PLXNA4: variants seen among roughly 807,000 people sequenced by gnomAD.
PLXNA4 encodes plexin-A4.
In PLXNA4, 44 loss-of-function variants were observed where a neutral mutation model predicts 191.8. The observed-to-expected ratio is 0.23, with a 90% CI of 0.18 to 0.29. The LOEUF is 0.29. Among genes scored for constraint, PLXNA4 ranks in the 10% least tolerant of loss-of-function variants. The pLI, the probability that PLXNA4 is intolerant of heterozygous loss-of-function variation, is 1.00. For synonymous variants in PLXNA4, 1,082 were observed against 1,009.5 expected (o/e 1.07, Z -1.36); for missense variants, 1,800 against 2,488.8 (o/e 0.72, Z 5.89).
At chr7:132,162,187 T>C (rs1795971938) in intron 24 of PLXNA4, among the ~76,000 whole-genome samples, 1 of 152,352 alleles carries the variant, frequency 6.6e-6, no homozygotes, top group East Asian at 1.9e-4. Context: ...CACGATTTCT[T>C]GCCATCTGTC....
intron 3 of PLXNA4, among the ~76,000 whole-genome samples, chr7:132,470,753 C>A (rs1284944150): frequency 6.6e-6 from 1 of 152,170 alleles, no homozygotes; most frequent in Non-Finnish European, 1.5e-5. Flanking sequence ...TCACTGCTGG[C>A]TTTGAAGACG....
At chr7:132,277,686 C>T (rs555883975) in intron 4 of PLXNA4, among the ~76,000 whole-genome samples, 20 of 152,304 alleles carry the variant, frequency 1.3e-4, no homozygotes, top group Non-Finnish European at 1.9e-4. Context: ...TTTCTGAGGA[C>T]GAGGACCTTG....
At chr7:132,512,712 CCT>C (rs1042678722) in intron 1 of PLXNA4, among the ~76,000 whole-genome samples, 14 of 152,318 alleles carry the variant, frequency 9.2e-5, no homozygotes, top group Admixed American at 3.9e-4. Flanking sequence ...CCACCAGCCC[CCT>C]GTCTCCCTGA....
chr7:132,322,184 C>CTGTTT (rs376377991), intron 3 of PLXNA4, among the ~76,000 whole-genome samples: 1 of 122,520 alleles, frequency 8.2e-6, no homozygotes, highest in African/African-American at 3.0e-5. Flanking sequence ...CCTAAAAGGG[C>CTGTTT]TTTTTTTTTT....
chr7:132,223,472 T>C, intron 9 of PLXNA4, 55 bp downstream of exon 9: 1 of 1,444,118 alleles, frequency 6.9e-7, no homozygotes, highest in Non-Finnish European at 9.6e-7. Flanking sequence ...GCCTCTCTTC[T>C]GTGTCCCATG....
intron 4 of PLXNA4, among the ~76,000 whole-genome samples, chr7:132,269,577 C>T (rs902540143): frequency 6.6e-6 from 1 of 152,144 alleles, no homozygotes; most frequent in Admixed American, 6.5e-5. Flanking sequence ...TCTGAAGGTG[C>T]AGATGCAATC....
intron 3 of PLXNA4, among the ~76,000 whole-genome samples, chr7:132,335,023 T>C (rs115529334): frequency 0.014 from 2,110 of 152,350 alleles, 64 homozygotes; most frequent in African/African-American, 0.048. Context: ...TGCTTTCAAA[T>C]AATTTTTTAA....
chr7:132,411,487 C>T lies in PLXNA4; in HGVS notation c.1371+77805G>A, dbSNP rs574688974. 2.6e-5 allele frequency among the ~76,000 whole-genome samples: 4 copies of T among 152,274 alleles called. No homozygotes were observed. The East Asian group carries it at 7.7e-4, about 29-fold the overall frequency. On this transcript the variant is annotated intron_variant, in intron 3 of 31. Coordinates refer to ENST00000321063, the MANE Select transcript of PLXNA4 (RefSeq NM_020911.2). ...TTGAATTTACTGACACCAAAGAGCC[C>T]AGAAGGTAAGAATGGGCTGTCATTG...
intron 3 of PLXNA4, among the ~76,000 whole-genome samples, chr7:132,393,403 C>T (rs764453120): frequency 2.8e-4 from 42 of 152,118 alleles, no homozygotes; most frequent in Admixed American, 5.9e-4. Context: ...GCTGTATTGG[C>T]TTTAACCTGG....
At chr7:132,500,474 AG>A (rs1798200117) in intron 2 of PLXNA4, among the ~76,000 whole-genome samples, 1 of 149,224 alleles carries the variant, frequency 6.7e-6, no homozygotes, top group Non-Finnish European at 1.5e-5. Context: ...AAGAAGAAGG[AG>A]GGGGAGGGGA....
At chr7:132,176,045 C>G (rs1329566702) in intron 20 of PLXNA4, among the ~76,000 whole-genome samples, 1 of 152,202 alleles carries the variant, frequency 6.6e-6, no homozygotes. Context: ...ACAATGCAGC[C>G]ACCCTAGGAA....
intron 3 of PLXNA4, among the ~76,000 whole-genome samples, chr7:132,315,642 C>A (rs745944094): frequency 3.3e-5 from 5 of 152,222 alleles, no homozygotes; most frequent in Admixed American, 6.5e-5. Flanking sequence ...CACGCCCCTC[C>A]CGAGTGAAGC....
At chr7:132,400,695 C>G (rs1793949784) in intron 3 of PLXNA4, among the ~76,000 whole-genome samples, 1 of 152,160 alleles carries the variant, frequency 6.6e-6, no homozygotes, top group Non-Finnish European at 1.5e-5. Context: ...CCTAGCCTCA[C>G]CAGCGTTTTG....
At chr7:132,134,319 G>A (rs1011938160) in intron 30 of PLXNA4, among the ~76,000 whole-genome samples, 1 of 152,158 alleles carries the variant, frequency 6.6e-6, no homozygotes, top group African/African-American at 2.4e-5. Flanking sequence ...GTCTTGTGCT[G>A]TTTCCCTGAC....
At chr7:132,178,075 T>C (rs1228112605) in intron 20 of PLXNA4, among the ~76,000 whole-genome samples, 3 of 152,224 alleles carry the variant, frequency 2.0e-5, no homozygotes, top group Non-Finnish European at 4.4e-5. Context: ...TTGGATTTAG[T>C]GCAGCTGATT....
At position 132,198,405 on chromosome 7, in the gene PLXNA4, T is replaced by G. The variant is rs189531537; in HGVS notation, c.2738+80A>C. The G allele has an allele frequency of 1.1e-4, 169 of 1,523,114 alleles. No homozygotes were observed. The East Asian group carries it at 3.9e-3, about 35-fold the overall frequency. The allele number at this position is 1,523,114 out of a possible 1,614,324, so 94.3% of individuals were successfully genotyped here. A position where few individuals can be genotyped will look rare whatever the true frequency, so the allele number is the denominator to read the frequency against. Reference sequence around the variant, plus strand: ...CCCCACAACAAGCTCTGAGAGCACCTAGTTGCTGACCAGGACATCCCTAAT... The same window carrying G: ...CCCCACAACAAGCTCTGAGAGCACCGAGTTGCTGACCAGGACATCCCTAAT... On this transcript the variant is annotated intron_variant, in intron 13 of 31. Coordinates refer to ENST00000321063, the MANE Select transcript of PLXNA4 (RefSeq NM_020911.2).
intron 2 of PLXNA4, among the ~76,000 whole-genome samples, chr7:132,624,035 A>G (rs1422153428): frequency 6.6e-6 from 1 of 152,224 alleles, no homozygotes; most frequent in Non-Finnish European, 1.5e-5. Flanking sequence ...CACAGTTTAT[A>G]TAGTACTTTC....
At chr7:132,167,554 C>A (rs12386587) in intron 22 of PLXNA4, among the ~76,000 whole-genome samples, 38,229 of 151,586 alleles carry the variant, frequency 0.25, 6,834 homozygotes, top group African/African-American at 0.51. Flanking sequence ...TTTTTTTTAG[C>A]GACAGGGTCT....
At chr7:132,634,507 A>G (rs1196312245) in intron 2 of PLXNA4, among the ~76,000 whole-genome samples, 2 of 152,062 alleles carry the variant, frequency 1.3e-5, no homozygotes, top group Non-Finnish European at 2.9e-5. Context: ...ACAGAAAGCC[A>G]TACTTATCCA....
Sources: gnomAD v4.1 joint callset for allele counts (sites outside exome capture counted in the v4.1 genomes callset) on GRCh38, gnomAD v4.1.1 for gene constraint, MANE v1.5 for transcripts, NCBI Gene and HGNC (gene_info 2026-07-23, HGNC 2026-07-21) for gene names.